The following PRKN variants were observed in gnomAD, a reference collection of about 807,000 sequenced individuals.
PRKN encodes the protein E3 ubiquitin-protein ligase parkin.
In PRKN, 56 loss-of-function variants were observed where a neutral mutation model predicts 59.5. The ratio of observed to expected loss-of-function variants is 0.94; its 90% CI spans 0.76 to 1.18. The LOEUF is 1.18. Among genes scored for constraint, PRKN ranks in the 50% most tolerant of loss-of-function variants. PRKN has a pLI of 0.00. For synonymous variants in PRKN, 250 were observed against 222.1 expected (o/e 1.13, Z -1.12); for missense variants, 657 against 596.4 (o/e 1.10, Z -1.06).
In PRKN at chr6:162,565,668, T is replaced by C. The variant is rs187530612; in HGVS notation, c.8-122195A>G. 8.4e-3 allele frequency among the ~76,000 whole-genome samples: 1,276 copies of C among 152,026 alleles called. 16 individuals carry two copies. Among genetic ancestry groups the C allele is most frequent in the African/African-American group, 0.029 (1,202 of 41,434 alleles). On this transcript the variant is annotated intron_variant, in intron 1 of 11. Transcript: ENST00000366898. ...TCGTGCCATTGCACTCCAGCCTGGGTGACAAGAGTGAAACTCAGTCTCAAA... is the reference window on the plus strand; with the variant it reads ...TCGTGCCATTGCACTCCAGCCTGGGCGACAAGAGTGAAACTCAGTCTCAAA...
At chr6:162,063,514 A>G (rs1562490988) in intron 4 of PRKN, among the ~76,000 whole-genome samples, 1 of 152,188 alleles carries the variant, frequency 6.6e-6, no homozygotes, top group Non-Finnish European at 1.5e-5. Flanking sequence ...GTGGAAATAT[A>G]AAACAACCAC....
Position 162,246,350 on chromosome 6 carries a change from C to G in PRKN, c.412+16175G>C, listed in dbSNP as rs553430665. ...GACGGCCATCTGTACACCAAAGAGA[C>G]ATGCCTAGAAAGAAAGCAAACCTAC... On this transcript the variant is annotated intron_variant, in intron 3 of 11. Transcript: ENST00000366898. 1.3e-3 allele frequency among the ~76,000 whole-genome samples: 194 copies of G among 152,238 alleles called. 1 individual carries two copies. The highest frequency in any genetic ancestry group is 4.3e-3 in the African/African-American group (178 of 41,550).
rs766949960 is a variant in PRKN at position 161,352,755 on chromosome 6, G to GTGTGTGTGTGTATATATA, written c.1286-2545_1286-2544insTATATATACACACACACA. ...TGTGTGTGTGTGTGTGTGTGTGTGT[G>GTGTGTGTGTGTATATATA]TATATATATATATATATTTTATTTT... On this transcript the variant is annotated intron_variant, in intron 11 of 11. Transcript: ENST00000366898. This position sits in a 1 kb window ranked among gnomAD's most constrained non-coding sequence, Gnocchi z 5.8. Among the ~76,000 whole-genome samples, 1 of 134,378 alleles carries GTGTGTGTGTGTATATATA rather than the reference G, an allele frequency of 7.4e-6. No homozygotes were observed. Among genetic ancestry groups the GTGTGTGTGTGTATATATA allele is most frequent in the African/African-American group, 2.8e-5 (1 of 35,726 alleles). 88.2% of individuals were successfully genotyped at this position (134,378 alleles called of 152,430 possible).
At chr6:162,262,448 G>A (rs751731320) in intron 3 of PRKN, 77 bp downstream of exon 3, 113 of 1,554,854 alleles carry the variant, frequency 7.3e-5, no homozygotes, top group Non-Finnish European at 8.8e-5. Flanking sequence ...ATATGCACCC[G>A]GTGAGGCCAT....
intron 7 of PRKN, among the ~76,000 whole-genome samples, chr6:161,759,469 G>T (rs1029891841): frequency 2.7e-5 from 4 of 147,956 alleles, no homozygotes; most frequent in African/African-American, 1.0e-4. Context: ...GTCCCATTTT[G>T]ACTTGTAAAA....
At chr6:162,596,068 A>G (rs987491250) in intron 1 of PRKN, among the ~76,000 whole-genome samples, 11 of 152,188 alleles carry the variant, frequency 7.2e-5, no homozygotes, top group Admixed American at 3.9e-4. Flanking sequence ...AGACTGTAAC[A>G]AGATACAAAG....
chr6:162,654,908 T>C (rs1384474029), intron 1 of PRKN, among the ~76,000 whole-genome samples: 2 of 152,128 alleles, frequency 1.3e-5, no homozygotes, highest in Non-Finnish European at 2.9e-5. Flanking sequence ...AGATGAGATT[T>C]GGTTCGGGAC....
intron 9 of PRKN, among the ~76,000 whole-genome samples, chr6:161,517,317 C>A (rs1030895924): frequency 2.0e-5 from 3 of 152,096 alleles, no homozygotes; most frequent in Non-Finnish European, 4.4e-5. Context: ...CCTAGAATCA[C>A]CAAATTTGGC....
At chr6:162,717,090 T>C (rs1383476565) in intron 1 of PRKN, among the ~76,000 whole-genome samples, 1 of 152,084 alleles carries the variant, frequency 6.6e-6, no homozygotes, top group Non-Finnish European at 1.5e-5. Flanking sequence ...CATGTGTTCT[T>C]TTAAGAGGAA....
chr6:162,572,851 C>T (rs1053783158), intron 1 of PRKN, among the ~76,000 whole-genome samples: 11 of 150,996 alleles, frequency 7.3e-5, no homozygotes, highest in Non-Finnish European at 1.2e-4. Context: ...AAAAACTCTG[C>T]GTAACCTAAA....
intron 4 of PRKN, among the ~76,000 whole-genome samples, chr6:162,162,105 CAG>C (rs1241966622): frequency 6.6e-6 from 1 of 152,068 alleles, no homozygotes; most frequent in Admixed American, 6.5e-5. Flanking sequence ...CATTTTGAGA[CAG>C]AGTCTCACTC....
intron 7 of PRKN, among the ~76,000 whole-genome samples, chr6:161,570,300 A>G (rs1216031697): frequency 2.0e-5 from 3 of 146,898 alleles, no homozygotes; most frequent in African/African-American, 7.4e-5. Flanking sequence ...ATATAATTTT[A>G]TAGAATTATA....
rs1292573003 is a variant in PRKN at position 161,414,162 on chromosome 6, G to A, written c.1084-27285C>T. Among the ~76,000 whole-genome samples, 1 of 152,140 alleles carries A rather than the reference G, an allele frequency of 6.6e-6. No individual in the cohort carries two copies. The highest frequency in any genetic ancestry group is 2.4e-5 in the African/African-American group (1 of 41,424). ...CTCTGGAGCACAAACTCTCAACAAG[G>A]TGGAAACTCGACACTATGCTCTCAA... On this transcript the variant is annotated intron_variant, in intron 9 of 11. Coordinates refer to ENST00000366898, the MANE Select transcript of PRKN (RefSeq NM_004562.3). The surrounding 1 kb of genome is among the most constrained non-coding windows in gnomAD (Gnocchi z 5.3).
chr6:162,588,606 C>T (rs2090033876), intron 1 of PRKN, among the ~76,000 whole-genome samples: 2 of 152,176 alleles, frequency 1.3e-5, no homozygotes, highest in Admixed American at 6.5e-5. Flanking sequence ...GGCTGGAGTG[C>T]AGTGGCGCCA....
chr6:161,468,018 G>A lies in PRKN; in HGVS notation c.1083+80836C>T, dbSNP rs2115183880. On this transcript the variant is annotated intron_variant, in intron 9 of 11. Coordinates refer to ENST00000366898, the MANE Select transcript of PRKN (RefSeq NM_004562.3). This position sits in a 1 kb window ranked among gnomAD's most constrained non-coding sequence, Gnocchi z 5.9. ...GACAGAGTTTCACTCTTTCAACCAG[G>A]CTGGAGTGAAGTGGTGTGATCTCAG... is the stretch of plus-strand genomic sequence containing the variant. Among the ~76,000 whole-genome samples the A allele has an allele frequency of 6.6e-6, 1 of 152,174 alleles. No individual in the cohort carries two copies. Among genetic ancestry groups the A allele is most frequent in the East Asian group, 1.9e-4 (1 of 5,172 alleles).
intron 5 of PRKN, among the ~76,000 whole-genome samples, chr6:161,980,319 C>T (rs1781212175): frequency 6.6e-6 from 1 of 152,118 alleles, no homozygotes; most frequent in Non-Finnish European, 1.5e-5. Context: ...AAAAACTATC[C>T]TTCTCTTGAT....
In PRKN at chr6:161,588,213, G is replaced by A. The variant is rs1446553470; in HGVS notation, c.872-18797C>T. ...AGCCTGGCTAACATGGCAAAACCCC[G>A]TCTCTACTAAAAATGCAAAAATCAG... On this transcript the variant is annotated intron_variant, in intron 7 of 11. Transcript: ENST00000366898. The surrounding 1 kb of genome is among the most constrained non-coding windows in gnomAD (Gnocchi z 5.0). 6.6e-6 allele frequency among the ~76,000 whole-genome samples: 1 copy of A among 152,042 alleles called. No individual in the cohort carries two copies. Among genetic ancestry groups the A allele is most frequent in the African/African-American group, 2.4e-5 (1 of 41,494 alleles).
chr6:161,974,341 G>A (rs1780943789), intron 5 of PRKN, among the ~76,000 whole-genome samples: 1 of 152,112 alleles, frequency 6.6e-6, no homozygotes, highest in African/African-American at 2.4e-5. Context: ...TTCCTGCGAA[G>A]ACTCTGCCGC....
chr6:161,987,254 A>C (rs373597818), intron 5 of PRKN, among the ~76,000 whole-genome samples: 2 of 152,354 alleles, frequency 1.3e-5, no homozygotes, highest in African/African-American at 2.4e-5. Flanking sequence ...AAGATGAATA[A>C]AACTGGAAAA....
Sources: allele counts gnomAD v4.1 joint callset (sites outside exome capture counted in the v4.1 genomes callset), GRCh38; gene constraint gnomAD v4.1.1; non-coding constraint Gnocchi (gnomAD v3.1); transcripts MANE v1.5; gene names NCBI Gene and HGNC (gene_info 2026-07-23, HGNC 2026-07-21).